KCNIP3: variants seen among roughly 807,000 people sequenced by gnomAD.
KCNIP3 encodes the protein potassium voltage-gated channel interacting protein 3, also known as calsenilin.
KCNIP3 carries 28 observed loss-of-function variants against 35.0 expected under a neutral mutation model. The observed-to-expected ratio is 0.80, with a 90% CI of 0.59 to 1.10. KCNIP3 has a LOEUF of 1.10. Among genes scored for constraint, KCNIP3 ranks in the 50% least tolerant of loss-of-function variants. The pLI, the probability that KCNIP3 is intolerant of heterozygous loss-of-function variation, is 0.00. For synonymous variants in KCNIP3, 134 were observed against 133.8 expected, an observed-to-expected ratio of 1.00 and a Z score of -0.01; for missense variants, 295 against 338.4, an observed-to-expected ratio of 0.87 and a Z score of 1.01.
intron 2 of KCNIP3, among the ~76,000 whole-genome samples, chr2:95,317,904 A>C (rs1393193998): frequency 6.6e-6 from 1 of 152,168 alleles, no homozygotes; most frequent in African/African-American, 2.4e-5. Context: ...TGTGGGAAGC[A>C]CCTGGGAGGC....
chr2:95,305,818 G>A (rs185766830), intron 1 of KCNIP3, among the ~76,000 whole-genome samples: 209 of 152,284 alleles, frequency 1.4e-3, no homozygotes, highest in South Asian at 6.4e-3. Context: ...TGTGGTGTGC[G>A]CCAACAGTTT....
At chr2:95,358,526 G>A (rs1382850556) in intron 2 of KCNIP3, among the ~76,000 whole-genome samples, 1 of 152,168 alleles carries the variant, frequency 6.6e-6, no homozygotes, top group Admixed American at 6.5e-5. Flanking sequence ...CAGCCCCCCT[G>A]GCTATCAACG....
intron 2 of KCNIP3, among the ~76,000 whole-genome samples, chr2:95,356,831 G>C (rs1679666521): frequency 6.6e-6 from 1 of 152,144 alleles, no homozygotes; most frequent in Non-Finnish European, 1.5e-5. Context: ...TTTACTTCTT[G>C]CCCGAAATGA....
intron 2 of KCNIP3, among the ~76,000 whole-genome samples, chr2:95,360,714 C>T (rs1210321115): frequency 3.3e-5 from 5 of 152,102 alleles, no homozygotes; most frequent in Non-Finnish European, 7.4e-5. Context: ...ACTGAATCAT[C>T]ATTCCATGGC....
intron 2 of KCNIP3, among the ~76,000 whole-genome samples, chr2:95,366,922 G>C (rs1442617070): frequency 6.6e-6 from 1 of 152,052 alleles, no homozygotes; most frequent in Admixed American, 6.6e-5. Context: ...TATATATTCT[G>C]TATATCCTTT....
chr2:95,343,640 TC>T (rs1679272508), intron 2 of KCNIP3, among the ~76,000 whole-genome samples: 1 of 151,928 alleles, frequency 6.6e-6, no homozygotes, highest in Non-Finnish European at 1.5e-5. Context: ...ACTGACAGAG[TC>T]CCAGGCCTTG....
At chr2:95,321,224 G>A (rs1678589816) in intron 2 of KCNIP3, among the ~76,000 whole-genome samples, 1 of 152,314 alleles carries the variant, frequency 6.6e-6, no homozygotes, top group Admixed American at 6.5e-5. Flanking sequence ...CGGTTTCGCA[G>A]CACCTTAGTG....
At chr2:95,346,567 G>A (rs1679371281) in intron 2 of KCNIP3, among the ~76,000 whole-genome samples, 1 of 146,212 alleles carries the variant, frequency 6.8e-6, no homozygotes, top group African/African-American at 2.5e-5. Flanking sequence ...ATGGAGGCTG[G>A]GGCGGCCGGG....
chr2:95,348,602 G>A (rs566463618), intron 2 of KCNIP3, among the ~76,000 whole-genome samples: 2 of 152,330 alleles, frequency 1.3e-5, no homozygotes, highest in Admixed American at 6.5e-5. Context: ...ACCCACAGTC[G>A]GGGGCAGTGT....
intron 1 of KCNIP3, among the ~76,000 whole-genome samples, chr2:95,298,033 T>C (rs1319708973): frequency 6.6e-6 from 1 of 152,156 alleles, no homozygotes; most frequent in Non-Finnish European, 1.5e-5. Context: ...TCAGTAGGGC[T>C]GTGGGGAGGT....
At chr2:95,379,039 C>T (rs1336989329) in intron 5 of KCNIP3, among the ~76,000 whole-genome samples, 1 of 151,932 alleles carries the variant, frequency 6.6e-6, no homozygotes, top group Non-Finnish European at 1.5e-5. Flanking sequence ...GTTTCCATGT[C>T]CCCCAGAAGC....
intron 2 of KCNIP3, among the ~76,000 whole-genome samples, chr2:95,320,678 A>G (rs976651754): frequency 2.0e-5 from 3 of 152,086 alleles, no homozygotes; most frequent in African/African-American, 7.2e-5. Flanking sequence ...TGGCCAGTGT[A>G]GCCACAGTCA....
intron 2 of KCNIP3, among the ~76,000 whole-genome samples, chr2:95,326,160 C>T (rs1678775386): frequency 6.6e-6 from 1 of 151,850 alleles, no homozygotes; most frequent in East Asian, 1.9e-4. Context: ...CTTATATACG[C>T]ACTCATATAC....
intron 2 of KCNIP3, among the ~76,000 whole-genome samples, chr2:95,372,985 A>C (rs555123690): frequency 6.6e-6 from 1 of 152,192 alleles, no homozygotes; most frequent in Non-Finnish European, 1.5e-5. Flanking sequence ...AGCTCAGCAC[A>C]GGACCAGTGC....
At chr2:95,306,296 G>A (rs967467695) in intron 1 of KCNIP3, among the ~76,000 whole-genome samples, 2 of 152,242 alleles carry the variant, frequency 1.3e-5, no homozygotes, top group African/African-American at 2.4e-5. Flanking sequence ...CCTCTCTGGT[G>A]AAATGTCTGT....
chr2:95,358,510 T>C (rs1425215488), intron 2 of KCNIP3, among the ~76,000 whole-genome samples: 1 of 152,202 alleles, frequency 6.6e-6, no homozygotes, highest in Admixed American at 6.5e-5. Flanking sequence ...AATTCAAACT[T>C]GATTGCAGCC....
chr2:95,362,319 C>T (rs769341148), intron 2 of KCNIP3, among the ~76,000 whole-genome samples: 7 of 151,914 alleles, frequency 4.6e-5, no homozygotes, highest in Non-Finnish European at 8.8e-5. Context: ...TTGGTCAGGC[C>T]GGTCTCGAAC....
intron 2 of KCNIP3, among the ~76,000 whole-genome samples, chr2:95,328,087 G>T (rs1456412796): frequency 6.6e-6 from 1 of 152,232 alleles, no homozygotes; most frequent in Admixed American, 6.5e-5. Flanking sequence ...GGGCCCGTGT[G>T]CAGTTTATCT....
At chr2:95,322,056 C>T (rs1251301702) in intron 2 of KCNIP3, among the ~76,000 whole-genome samples, 1 of 152,156 alleles carries the variant, frequency 6.6e-6, no homozygotes, top group Non-Finnish European at 1.5e-5. Flanking sequence ...TCCTCATCTG[C>T]AAAATGGCCA....
Sources: gnomAD v4.1 joint callset for allele counts (sites outside exome capture counted in the v4.1 genomes callset) on GRCh38, gnomAD v4.1.1 for gene constraint, MANE v1.5 for transcripts, NCBI Gene and HGNC (gene_info 2026-07-23, HGNC 2026-07-21) for gene names.